Variants in CAMK2A observed in about 807,000 individuals in gnomAD.
CAMK2A encodes calcium/calmodulin dependent protein kinase II alpha.
A neutral mutation model predicts 79.2 loss-of-function variants in CAMK2A; 7 were observed. The ratio of observed to expected loss-of-function variants is 0.09; its 90% CI spans 0.05 to 0.17. The LOEUF is 0.17. Ranked by LOEUF, CAMK2A falls within the 10% of genes least tolerant of loss-of-function variation. The pLI, the probability that CAMK2A is intolerant of heterozygous loss-of-function variation, is 1.00. For synonymous variants in CAMK2A, 242 were observed against 251.7 expected (o/e 0.96, Z 0.36); for missense variants, 214 against 646.4 (o/e 0.33, Z 7.25).
intron 10 of CAMK2A, 61 bp downstream of exon 10, chr5:150,250,627 G>A: frequency 6.2e-7 from 1 of 1,601,056 alleles, no homozygotes; most frequent in Admixed American, 1.7e-5. Flanking sequence ...GAACTCTGTG[G>A]GGGCCTGGAT....
Position 150,239,696 on chromosome 5 carries a change from A to G in CAMK2A, c.1017+8T>C. 1 of 1,613,746 alleles carries G rather than the reference A, an allele frequency of 6.2e-7. No homozygotes were observed. The highest frequency in any genetic ancestry group is 1.1e-5 in the South Asian group (1 of 91,070). ...ATTTACCGGCGTTAGGAGACGGCAG[A>G]CACTCACCATTAACTGAACGCTGGA... On this transcript the variant is annotated splice_region_variant and intron_variant, in intron 14 of 18. Coordinates refer to ENST00000671881, the MANE Select transcript of CAMK2A (RefSeq NM_015981.4).
intron 12 of CAMK2A, among the ~76,000 whole-genome samples, chr5:150,246,893 G>A (rs936590928): frequency 1.3e-5 from 2 of 152,180 alleles, no homozygotes; most frequent in South Asian, 2.1e-4. Context: ...CAGCTTTCTC[G>A]GCTGGCCCCA....
At chr5:150,274,465 G>C (rs150339745) in intron 1 of CAMK2A, among the ~76,000 whole-genome samples, 2 of 152,316 alleles carry the variant, frequency 1.3e-5, no homozygotes, top group East Asian at 3.9e-4. Flanking sequence ...GCTAGATCTG[G>C]AGTCTAGATG....
chr5:150,229,285 C>G (rs574564035), intron 16 of CAMK2A, among the ~76,000 whole-genome samples: 1 of 152,216 alleles, frequency 6.6e-6, no homozygotes, highest in Non-Finnish European at 1.5e-5. Context: ...TGGCTTAAGC[C>G]TGGGGCTGGG....
Position 150,273,105 on chromosome 5 carries a change from A to G in CAMK2A, c.117T>C (p.Tyr39=). ...RCVKVLAGQE[Y]AAKIINTKKL... ...TCTTTGTGTTGATGATCTTGGCAGC[A>G]TACTCCTGGCCAGCCAGCACCTTCA... The change falls in exon 2 of 19, where the codon TAT becomes TAC. Residue 39 remains tyrosine, a synonymous_variant. Transcript: ENST00000671881. The G allele has an allele frequency of 6.2e-7, 1 of 1,613,876 alleles. No homozygotes were observed. Among genetic ancestry groups the G allele is most frequent in the Non-Finnish European group, 8.5e-7 (1 of 1,179,986 alleles).
intron 13 of CAMK2A, among the ~76,000 whole-genome samples, chr5:150,241,805 C>G (rs1484065726): frequency 1.3e-5 from 2 of 151,606 alleles, no homozygotes; most frequent in Non-Finnish European, 1.5e-5. Context: ...CCTCCTCTCT[C>G]TCTTCCTTCT....
intron 17 of CAMK2A, among the ~76,000 whole-genome samples, chr5:150,224,936 G>A (rs1174505814): frequency 6.6e-6 from 1 of 151,986 alleles, no homozygotes; most frequent in Non-Finnish European, 1.5e-5. Context: ...TGAGGCAGGT[G>A]GACTGCGTGA....
Position 150,221,797 on chromosome 5 carries a change from T to C in CAMK2A, c.*913A>G. 1 of 391,552 alleles carries C rather than the reference T, an allele frequency of 2.6e-6. No homozygotes were observed. Among genetic ancestry groups the C allele is most frequent in the Non-Finnish European group, 4.5e-6 (1 of 223,404 alleles). 24.3% of individuals were successfully genotyped at this position (391,552 alleles called of 1,614,324 possible). On this transcript the variant is annotated 3_prime_UTR_variant, in exon 19 of 19. Transcript: ENST00000671881. The stretch of plus-strand genomic sequence containing the variant: ...ACAGAAAAAAACTACCCCTCACCCC[T>C]CTTCCTACACCCCTTCCAACCTGAC...
Position 150,223,555 on chromosome 5 carries a change from G to A in CAMK2A, c.1238-338C>T, listed in dbSNP as rs972955295. On this transcript the variant is annotated intron_variant, in intron 17 of 18. Transcript: ENST00000671881. This position sits in a 1 kb window ranked among gnomAD's most constrained non-coding sequence, Gnocchi z 4.1. ...GAGCTGTGAGCACAGTCTCAAATCC[G>A]GATCCCCCCAGGTACCAGGCAGGCA... Among the ~76,000 whole-genome samples, 7 of 152,276 alleles carry A rather than the reference G, an allele frequency of 4.6e-5. No individual in the cohort carries two copies. The East Asian group carries it at 7.7e-4, about 17-fold the overall frequency.
intron 12 of CAMK2A, 119 bp downstream of exon 12, chr5:150,247,653 C>T: frequency 1.3e-6 from 1 of 755,232 alleles, no homozygotes; most frequent in Non-Finnish European, 2.2e-6. Context: ...GTCACAGAGT[C>T]CTCTACAACT....
At chr5:150,231,207 T>C in intron 16 of CAMK2A, 98 bp downstream of exon 16, 3 of 564,544 alleles carry the variant, frequency 5.3e-6, no homozygotes, top group South Asian at 6.9e-5. Flanking sequence ...GCAAAGTGAG[T>C]GGATGAGGAT....
At chr5:150,226,619 C>T (rs1201555315) in intron 17 of CAMK2A, among the ~76,000 whole-genome samples, 1 of 150,078 alleles carries the variant, frequency 6.7e-6, no homozygotes, top group East Asian at 2.0e-4. Context: ...CACCTGTAAT[C>T]CCAGCTACTC....
Position 150,285,816 on chromosome 5 carries a change from T to C in CAMK2A, c.62+3748A>G, listed in dbSNP as rs186526032. On this transcript the variant is annotated intron_variant, in intron 1 of 18. Coordinates refer to ENST00000671881, the MANE Select transcript of CAMK2A (RefSeq NM_015981.4). ...TAAAATCTCCTTCAGAGACTCTTCC[T>C]ATACAGCCCAGTGATGACACAGGCT... is the stretch of plus-strand genomic sequence containing the variant. Among the ~76,000 whole-genome samples the C allele has an allele frequency of 3.3e-3, 506 of 152,322 alleles. 6 individuals are homozygous for C. The highest frequency in any genetic ancestry group is 1.6e-3 in the Non-Finnish European group (107 of 68,024).
At position 150,221,049 on chromosome 5, in the gene CAMK2A, G is replaced by A. The variant is rs549779315; in HGVS notation, c.*1661C>T. 1 of 157,602 alleles carries A rather than the reference G, an allele frequency of 6.3e-6. No homozygotes were observed. The highest frequency in any genetic ancestry group is 6.5e-5 in the Admixed American group (1 of 15,436). The allele number at this position is 157,602 out of a possible 1,614,324, so 9.8% of individuals were successfully genotyped here. On this transcript the variant is annotated 3_prime_UTR_variant, in exon 19 of 19. Coordinates refer to ENST00000671881, the MANE Select transcript of CAMK2A (RefSeq NM_015981.4). The stretch of plus-strand genomic sequence containing the variant: ...ACAGTATCTCATGCTGGCAAAACAC[G>A]GCCACACAGAGGCCAAAAGCACAGA...
chr5:150,273,640 C>T (rs1562194713), intron 1 of CAMK2A, among the ~76,000 whole-genome samples: 1 of 152,230 alleles, frequency 6.6e-6, no homozygotes, highest in African/African-American at 2.4e-5. Context: ...AGTCTCTTTC[C>T]ACAGATGGTG....
intron 1 of CAMK2A, among the ~76,000 whole-genome samples, chr5:150,281,147 A>G (rs911292483): frequency 6.6e-6 from 1 of 152,206 alleles, no homozygotes; most frequent in African/African-American, 2.4e-5. Context: ...TAGATGCTAC[A>G]TGGCAGTTAC....
chr5:150,253,411 C>A (rs183476613), intron 7 of CAMK2A, 33 bp downstream of exon 7: 111 of 1,524,612 alleles, frequency 7.3e-5, no homozygotes, highest in Non-Finnish European at 7.8e-5. Flanking sequence ...TGGGTGCTGA[C>A]CCCCAACACT....
chr5:150,237,151 G>A (rs1006944869), intron 15 of CAMK2A, among the ~76,000 whole-genome samples: 2 of 152,182 alleles, frequency 1.3e-5, no homozygotes, highest in African/African-American at 4.8e-5. Context: ...GGACACACAC[G>A]GGGCGGGTCT....
chr5:150,268,785 G>T (rs376486282), intron 2 of CAMK2A, among the ~76,000 whole-genome samples: 166 of 152,198 alleles, frequency 1.1e-3, no homozygotes, highest in African/African-American at 3.9e-3. Context: ...TTGAGACAGG[G>T]TCTCACTCTC....
Sources: gnomAD v4.1 joint callset for allele counts (sites outside exome capture counted in the v4.1 genomes callset) on GRCh38, gnomAD v4.1.1 for gene constraint, Gnocchi (gnomAD v3.1) non-coding constraint, MANE v1.5 for transcripts, NCBI Gene and HGNC (gene_info 2026-07-23, HGNC 2026-07-21) for gene names.